The following ADGRL1 variants were observed in gnomAD, a reference collection of about 807,000 sequenced individuals.
ADGRL1 encodes the protein CIRL-1.
A neutral mutation model predicts 148.9 loss-of-function variants in ADGRL1; 31 were observed. The ratio of observed to expected loss-of-function variants is 0.21; its 90% CI spans 0.16 to 0.28. ADGRL1 has a LOEUF of 0.28. Among genes scored for constraint, ADGRL1 ranks in the 10% least tolerant of loss-of-function variants. ADGRL1 has a pLI of 1.00. For synonymous variants in ADGRL1, 937 were observed against 900.3 expected (o/e 1.04, Z -0.73); for missense variants, 1,521 against 2,058.8 (o/e 0.74, Z 5.05).
chr19:14,188,512 C>T (rs141667340), intron 1 of ADGRL1, among the ~76,000 whole-genome samples: 30 of 152,318 alleles, frequency 2.0e-4, no homozygotes, highest in African/African-American at 7.2e-4. Flanking sequence ...TAAGCCCCTA[C>T]ATCAGTGCAC....
chr19:14,164,226 G>A (rs1395293763), intron 4 of ADGRL1, among the ~76,000 whole-genome samples: 2 of 151,806 alleles, frequency 1.3e-5, no homozygotes, highest in African/African-American at 4.8e-5. Flanking sequence ...CAGCCGGCAG[G>A]GTCTCTCATG....
intron 4 of ADGRL1, among the ~76,000 whole-genome samples, chr19:14,165,543 A>G (rs530057318): frequency 4.3e-4 from 65 of 152,216 alleles, no homozygotes; most frequent in Non-Finnish European, 8.1e-4. Context: ...CACCAGCACC[A>G]AACTCCCAAT....
At chr19:14,185,180 C>T (rs982998851) in intron 1 of ADGRL1, among the ~76,000 whole-genome samples, 1 of 152,202 alleles carries the variant, frequency 6.6e-6, no homozygotes, top group Admixed American at 6.5e-5. Flanking sequence ...GGCTTGCACG[C>T]TCAAATGTCT....
intron 2 of ADGRL1, among the ~76,000 whole-genome samples, chr19:14,178,594 C>T (rs2144971397): frequency 6.6e-6 from 1 of 152,298 alleles, no homozygotes; most frequent in South Asian, 2.1e-4. Context: ...TCATGGCTCA[C>T]TGCAAGTCTC....
At chr19:14,205,216 C>A (rs1239705285) in intron 1 of ADGRL1, among the ~76,000 whole-genome samples, 1 of 152,046 alleles carries the variant, frequency 6.6e-6, no homozygotes, top group African/African-American at 2.4e-5. Flanking sequence ...GGATGACAAC[C>A]AAACCCTCGC....
chr19:14,204,784 G>A (rs1169069744), intron 1 of ADGRL1, among the ~76,000 whole-genome samples: 3 of 151,980 alleles, frequency 2.0e-5, no homozygotes, highest in Non-Finnish European at 2.9e-5. Flanking sequence ...CATCTTGGCA[G>A]CCATTTTGAA....
At chr19:14,186,943 C>T (rs1971609718) in intron 1 of ADGRL1, among the ~76,000 whole-genome samples, 1 of 152,232 alleles carries the variant, frequency 6.6e-6, no homozygotes, top group Non-Finnish European at 1.5e-5. Context: ...CGCCTGCTGC[C>T]CTCACCCGCC....
At position 14,179,811 on chromosome 19, in the gene ADGRL1, G is replaced by A. The variant is rs183761051; in HGVS notation, c.71-2067C>T. 4.6e-5 allele frequency among the ~76,000 whole-genome samples: 7 copies of A among 151,986 alleles called. No homozygotes were observed. In the East Asian group the frequency reaches 5.8e-4, roughly 13 times the overall value. The stretch of plus-strand genomic sequence containing the variant: ...CTGTAATCCCAGCTACTTGGGAGGC[G>A]AGGCAGGACAATTGCTTGAACCCAG... On this transcript the variant is annotated intron_variant, in intron 2 of 22. Transcript: ENST00000361434.
chr19:14,179,110 G>A (rs2144977119), intron 2 of ADGRL1, among the ~76,000 whole-genome samples: 1 of 152,136 alleles, frequency 6.6e-6, no homozygotes, highest in East Asian at 1.9e-4. Context: ...CTTGAGCTGG[G>A]GAGGCAGAGA....
Position 14,156,174 on chromosome 19 carries a change from G to A in ADGRL1, c.3061C>T (p.Leu1021=). The A allele has an allele frequency of 1.2e-6, 2 of 1,612,634 alleles. No individual in the cohort carries two copies. The highest frequency in any genetic ancestry group is 1.7e-6 in the Non-Finnish European group (2 of 1,179,698). ...VVNLVFLMVT[L]HKMIRSSSVL... is the part of the protein sequence containing the mutation. ...GATGAGCTTCGGATCATCTTGTGCAGGGTCACCATGAGGAACACCAGGTTG... is the reference window on the plus strand; with the variant it reads ...GATGAGCTTCGGATCATCTTGTGCAAGGTCACCATGAGGAACACCAGGTTG... Residue 1021 remains leucine (L), a synonymous_variant, in exon 17 of 23, where the codon CTG becomes TTG. Coordinates refer to ENST00000361434, the MANE Select transcript of ADGRL1 (RefSeq NM_014921.5).
intron 4 of ADGRL1, among the ~76,000 whole-genome samples, chr19:14,165,403 G>A (rs927137626): frequency 5.9e-5 from 9 of 152,156 alleles, no homozygotes; most frequent in African/African-American, 1.7e-4. Flanking sequence ...TGAAGGGGAC[G>A]GTGGGAGGCC....
intron 3 of ADGRL1, 84 bp downstream of exon 3, chr19:14,177,447 T>C (rs1361802289): frequency 7.9e-7 from 1 of 1,270,204 alleles, no homozygotes; most frequent in Non-Finnish European, 1.1e-6. Flanking sequence ...AAAAAAAAGA[T>C]GTAAGGTGAA....
chr19:14,158,173 G>C, intron 12 of ADGRL1, 121 bp from the exon 13 acceptor site: 1 of 1,253,034 alleles, frequency 8.0e-7, no homozygotes, highest in Non-Finnish European at 1.1e-6. Flanking sequence ...GGGGTCTGGG[G>C]CTCCAGTTGA....
chr19:14,149,139 G>C lies in ADGRL1; in HGVS notation c.*1734C>G, dbSNP rs1050640652. The C allele has an allele frequency of 8.5e-5, 13 of 152,422 alleles. 1 individual carries two copies. Among genetic ancestry groups the C allele is most frequent in the African/African-American group, 3.1e-4 (13 of 41,522 alleles). 9.4% of individuals were successfully genotyped at this position (152,422 alleles called of 1,614,324 possible). A position where few individuals can be genotyped will look rare whatever the true frequency, so the allele number is the denominator to read the frequency against. ...GCTGCCCCTAGAGTTGAGGGAAGGG[G>C]GCTGGGGAGGCTGGCCTGACAGGCT... On this transcript the variant is annotated 3_prime_UTR_variant, in exon 23 of 23. Transcript: ENST00000361434.
chr19:14,178,286 C>T (rs943634288), intron 2 of ADGRL1, among the ~76,000 whole-genome samples: 12 of 152,078 alleles, frequency 7.9e-5, no homozygotes, highest in Non-Finnish European at 1.6e-4. Context: ...GGGCAAATCG[C>T]CTGAACCCAG....
chr19:14,164,545 G>C (rs1969763903), intron 4 of ADGRL1: 1 of 152,294 alleles, frequency 6.6e-6, no homozygotes, highest in South Asian at 2.1e-4. Context: ...GCAGGGGAGG[G>C]AACCAGGCGC....
At position 14,161,782 on chromosome 19, in the gene ADGRL1, G is replaced by A. The variant is rs1407109936; in HGVS notation, c.1196-156C>T. ...TGGGTCTATGAGTTGATCTCCCCTG[G>A]CCGCTCTGTGCCCACCAAAGTCCCT... On this transcript the variant is annotated intron_variant, in intron 5 of 22. Coordinates refer to ENST00000361434, the MANE Select transcript of ADGRL1 (RefSeq NM_014921.5). The surrounding 1 kb of genome is among the most constrained non-coding windows in gnomAD (Gnocchi z 4.4). Among the ~76,000 whole-genome samples, 2 of 152,138 alleles carry A rather than the reference G, an allele frequency of 1.3e-5. No homozygotes were observed.
In ADGRL1 at chr19:14,152,236, C is replaced by T; in HGVS notation, c.3649+73G>A. 6.2e-7 allele frequency: 1 copy of T among 1,613,926 alleles called. No homozygotes were observed. Among genetic ancestry groups the T allele is most frequent in the Admixed American group, 1.7e-5 (1 of 60,010 alleles). On this transcript the variant is annotated intron_variant, in intron 21 of 22. Transcript: ENST00000361434. The surrounding 1 kb of genome is among the most constrained non-coding windows in gnomAD (Gnocchi z 6.1). Reference sequence around the variant, plus strand: ...CAGGCTCCAGTTCTGGGGCACAGAACATCCCATGCAGAGGTCCCTTGGGAC... The same window carrying T: ...CAGGCTCCAGTTCTGGGGCACAGAATATCCCATGCAGAGGTCCCTTGGGAC...
At position 14,177,564 on chromosome 19, in the gene ADGRL1, T is replaced by G; in HGVS notation, c.251A>C (p.Tyr84Ser). 1.2e-6 allele frequency: 2 copies of G among 1,614,188 alleles called. No homozygotes were observed. The highest frequency in any genetic ancestry group is 1.7e-6 in the Non-Finnish European group (2 of 1,180,034). ...CATGATCTTGAAGGCGTCCGGCAGG[T>G]AGCACTGCACATTCTCCATCTGGAA... Reference protein sequence around the residue: ...DPFQMENVQCYLPDAFKIMSQ... With the variant: ...DPFQMENVQCSLPDAFKIMSQ... Residue 84 changes from tyrosine to serine, a missense_variant, in exon 3 of 23, where the codon TAC (tyrosine) becomes TCC (serine). By Grantham distance (144) the Tyr-to-Ser change is moderately radical (BLOSUM62 -2). Around this residue, in one of 8 missense-constraint regions of ADGRL1, gnomAD observed 334 missense variants for 512.5 expected, o/e 0.65. Transcript: ENST00000361434.
Sources: gnomAD v4.1 joint callset for allele counts (sites outside exome capture counted in the v4.1 genomes callset) on GRCh38, gnomAD v4.1.1 for gene constraint, gnomAD v4.1.1 regional missense constraint, Gnocchi (gnomAD v3.1) non-coding constraint, MANE v1.5 for transcripts, NCBI Gene and HGNC (gene_info 2026-07-23, HGNC 2026-07-21) for gene names.